Variants in STK3 observed in about 807,000 individuals in gnomAD.
STK3 encodes the protein serine/threonine kinase 3, also known as serine/threonine-protein kinase 3.
STK3 carries 41 observed loss-of-function variants against 58.0 expected under a neutral mutation model. The observed-to-expected ratio is 0.71, with a 90% CI of 0.55 to 0.92. The LOEUF (loss-of-function observed/expected upper bound fraction) is 0.92. STK3 is among the 40% of genes least tolerant of loss of function. STK3 has a pLI of 0.00. For missense variants in STK3, 479 were observed against 602.7 expected, an observed-to-expected ratio of 0.79 and a Z score of 2.15; for synonymous variants, 170 against 191.0, an observed-to-expected ratio of 0.89 and a Z score of 0.91.
chr8:98,345,636 C>T, the STK3 span, among the ~76,000 whole-genome samples: 48 of 152,058 alleles, frequency 3.2e-4, no homozygotes, highest in Admixed American at 9.8e-4. Flanking sequence ...AGTGTCTGTT[C>T]TGAACCAGGC....
intron 6 of STK3, among the ~76,000 whole-genome samples, chr8:98,621,991 C>T (rs531050237): frequency 9.3e-5 from 14 of 150,742 alleles, no homozygotes; most frequent in South Asian, 2.1e-4. Flanking sequence ...ACATTGGGCA[C>T]GGTGGCTAAC....
At position 98,617,125 on chromosome 8, in the gene STK3, G is replaced by A. The variant is rs562997030; in HGVS notation, c.685-20956C>T. On this transcript the variant is annotated intron_variant, in intron 6 of 10. Transcript: ENST00000419617. ...ATAACAAACTATCTCTCAGACCACAGTGCAATCAAACTAGAATTCAAGATT... is the reference window on the plus strand; with the variant it reads ...ATAACAAACTATCTCTCAGACCACAATGCAATCAAACTAGAATTCAAGATT... Among the ~76,000 whole-genome samples, 1,430 of 151,864 alleles carry A rather than the reference G, an allele frequency of 9.4e-3. 9 individuals are homozygous for A. The highest frequency in any genetic ancestry group is 0.023 in the African/African-American group (965 of 41,396).
intron 2 of STK3, 56 bp downstream of exon 2, chr8:98,774,683 A>G: frequency 1.6e-6 from 2 of 1,234,628 alleles, no homozygotes; most frequent in South Asian, 1.5e-5. Flanking sequence ...ACATCATATA[A>G]TATTTTTTAA....
chr8:98,585,226 T>C (rs1250057657), intron 7 of STK3, among the ~76,000 whole-genome samples: 1 of 151,680 alleles, frequency 6.6e-6, no homozygotes, highest in Non-Finnish European at 1.5e-5. Context: ...TTTATGGTTT[T>C]AGGTCTAACG....
upstream of STK3, chr8:98,825,809 CCCCCGGCCGCCCCGCCCCG>C (rs1835250399): frequency 1.4e-5 from 1 of 73,018 alleles, no homozygotes; most frequent in Admixed American, 1.2e-4. Context: ...CCCCGCCCCG[CCCCCGGCCGCCCCGCCCCG>C]CCCCCGGCCG....
chr8:98,543,148 T>C (rs1810427381), intron 9 of STK3, among the ~76,000 whole-genome samples: 1 of 151,826 alleles, frequency 6.6e-6, no homozygotes, highest in Admixed American at 6.6e-5. Flanking sequence ...GAATATGATT[T>C]AGCAAAAGAA....
chr8:98,703,538 G>T (rs1156682803), intron 6 of STK3, among the ~76,000 whole-genome samples: 1 of 151,996 alleles, frequency 6.6e-6, no homozygotes, highest in Non-Finnish European at 1.5e-5. Flanking sequence ...TTTAGGGTAG[G>T]GCTCCCCACA....
intron 1 of STK3, among the ~76,000 whole-genome samples, chr8:98,884,175 T>C (rs1837897699): frequency 6.6e-6 from 1 of 152,154 alleles, no homozygotes. Context: ...TTTGTGCCCA[T>C]AGGATTCTCA....
intron 6 of STK3, among the ~76,000 whole-genome samples, chr8:98,614,678 G>C (rs553441922): frequency 8.5e-5 from 13 of 152,318 alleles, no homozygotes; most frequent in South Asian, 6.2e-4. Flanking sequence ...TTCCCTTTCC[G>C]AGTCAAAGAA....
rs1426866722 is a variant in STK3 at position 98,774,764 on chromosome 8, C to T, written c.82G>A (p.Asp28Asn). ...CCTTCTCCAAGCTTCTCTAATACATCAAAAACTTCTTCAGGCTGCTTAGTC... is the reference window on the plus strand; with the variant it reads ...CCTTCTCCAAGCTTCTCTAATACATTAAAAACTTCTTCAGGCTGCTTAGTC... ...SLTKQPEEVF[D>N]VLEKLGEGSY... is the part of the protein sequence containing the mutation. Residue 28 changes from aspartate to asparagine, a missense_variant, in exon 2 of 11, where the codon GAT becomes AAT. Transcript: ENST00000419617. The T allele has an allele frequency of 6.3e-7, 1 of 1,587,816 alleles. No homozygotes were observed. The highest frequency in any genetic ancestry group is 8.6e-7 in the Non-Finnish European group (1 of 1,169,210).
intron 10 of STK3, among the ~76,000 whole-genome samples, chr8:98,487,023 A>T (rs1020486391): frequency 6.6e-5 from 10 of 152,226 alleles, no homozygotes; most frequent in African/African-American, 2.4e-4. Flanking sequence ...GATTGCAAAA[A>T]TGTTTATTTT....
At chr8:98,689,781 A>C (rs761782568) in intron 6 of STK3, among the ~76,000 whole-genome samples, 3 of 152,064 alleles carry the variant, frequency 2.0e-5, no homozygotes, top group Admixed American at 6.6e-5. Flanking sequence ...AGCCTGTCTC[A>C]AGAAAAAAAA....
intron 1 of STK3, among the ~76,000 whole-genome samples, chr8:98,803,374 G>A (rs545544151): frequency 3.9e-5 from 6 of 152,014 alleles, no homozygotes; most frequent in South Asian, 4.2e-4. Flanking sequence ...GGCAGATCAC[G>A]AGGTCAGGAG....
chr8:98,740,249 C>G (rs1370773844), intron 4 of STK3, among the ~76,000 whole-genome samples: 7 of 152,002 alleles, frequency 4.6e-5, no homozygotes, highest in Non-Finnish European at 8.8e-5. Context: ...GAGAACGCCA[C>G]AAAGATACTC....
At chr8:98,788,833 T>C (rs1043297792) in intron 1 of STK3, among the ~76,000 whole-genome samples, 2 of 152,208 alleles carry the variant, frequency 1.3e-5, no homozygotes, top group South Asian at 4.1e-4. Context: ...AACACTCCAC[T>C]GACAGCACTA....
chr8:98,914,776 G>A (rs768309407), intron 1 of STK3, among the ~76,000 whole-genome samples: 1 of 152,130 alleles, frequency 6.6e-6, no homozygotes, highest in Non-Finnish European at 1.5e-5. Context: ...CCTGAAAGAT[G>A]GATGTGACAC....
Position 98,888,058 on chromosome 8 carries a change from C to G in STK3, c.-78-4224G>C, listed in dbSNP as rs180877167. Among the ~76,000 whole-genome samples, 7 of 152,280 alleles carry G rather than the reference C, an allele frequency of 4.6e-5. No homozygotes were observed. The East Asian group carries it at 1.2e-3, about 25-fold the overall frequency. On this transcript the variant is annotated intron_variant, in intron 1 of 1. Transcript: ENST00000519420. ...TGGGGGCCAGACACAGTGGCTGACA[C>G]CTGTAATCCCAGCATTTTGGGAGGC...
chr8:98,712,672 C>T (rs1328797284), intron 4 of STK3, among the ~76,000 whole-genome samples: 1 of 152,008 alleles, frequency 6.6e-6, no homozygotes, highest in Non-Finnish European at 1.5e-5. Flanking sequence ...TAGACTCCCA[C>T]ACAATAATAA....
the STK3 span, among the ~76,000 whole-genome samples, chr8:98,352,051 G>T: frequency 6.6e-6 from 1 of 151,490 alleles, no homozygotes; most frequent in South Asian, 2.1e-4. Context: ...GCAGGAGAAT[G>T]GTGTGAATCC....
Sources: allele counts gnomAD v4.1 joint callset (sites outside exome capture counted in the v4.1 genomes callset), GRCh38; gene constraint gnomAD v4.1.1; transcripts MANE v1.5; gene names NCBI Gene and HGNC (gene_info 2026-07-23, HGNC 2026-07-21).